The following CCSER2 variants were observed in gnomAD, a reference collection of about 807,000 sequenced individuals.
CCSER2 encodes coiled-coil serine rich protein 2, also known as serine-rich coiled-coil domain-containing protein 2.
Under a neutral mutation model 92.3 loss-of-function variants are expected in CCSER2, and 46 were observed. The ratio of observed to expected loss-of-function variants is 0.50; its 90% CI spans 0.39 to 0.64. CCSER2 has a LOEUF of 0.64. CCSER2 is among the 30% of genes least tolerant of loss of function. The pLI, the probability that CCSER2 is intolerant of heterozygous loss-of-function variation, is 0.00. For missense variants in CCSER2, 1,244 were observed against 1,238.9 expected, an observed-to-expected ratio of 1.00 and a Z score of -0.06; for synonymous variants, 433 against 431.4, an observed-to-expected ratio of 1.00 and a Z score of -0.04.
chr10:84,441,563 T>G (rs1463353294), intron 6 of CCSER2, among the ~76,000 whole-genome samples: 1 of 152,132 alleles, frequency 6.6e-6, no homozygotes, highest in East Asian at 1.9e-4. Context: ...TATTCAGGAC[T>G]TTGTACATGG....
chr10:84,495,399 G>A (rs1848395111), intron 9 of CCSER2, among the ~76,000 whole-genome samples: 1 of 152,118 alleles, frequency 6.6e-6, no homozygotes, highest in African/African-American at 2.4e-5. Flanking sequence ...CTTGGTAAAT[G>A]TTCTGTGGAT....
At chr10:84,484,477 A>G (rs1847683122) in intron 9 of CCSER2, among the ~76,000 whole-genome samples, 2 of 139,780 alleles carry the variant, frequency 1.4e-5, no homozygotes, top group South Asian at 4.5e-4. Context: ...CGTTGCATGC[A>G]TGTGTGCATG....
intron 3 of CCSER2, among the ~76,000 whole-genome samples, chr10:84,414,885 T>G (rs1401319567): frequency 6.6e-6 from 1 of 152,190 alleles, no homozygotes; most frequent in Admixed American, 6.5e-5. Context: ...CTTGTTTTAT[T>G]TCAGCAAGAT....
intron 4 of CCSER2, among the ~76,000 whole-genome samples, chr10:84,422,782 C>T (rs1843215032): frequency 6.6e-6 from 1 of 152,120 alleles, no homozygotes; most frequent in Non-Finnish European, 1.5e-5. Flanking sequence ...GGGTCAGGGG[C>T]GGTGGCTCAC....
intron 6 of CCSER2, chr10:84,456,104 G>T: frequency 2.6e-6 from 1 of 382,988 alleles, no homozygotes; most frequent in South Asian, 2.3e-5. Flanking sequence ...ACACAGGGGA[G>T]AGAACAGGAA....
At chr10:84,357,220 G>A (rs751868429) in intron 1 of CCSER2, among the ~76,000 whole-genome samples, 1 of 148,842 alleles carries the variant, frequency 6.7e-6, no homozygotes, top group Admixed American at 6.9e-5. Flanking sequence ...AGGGTGAGGG[G>A]TAGTGCATTT....
At chr10:84,454,941 T>C (rs1294820502) in intron 6 of CCSER2, 1 of 152,152 alleles carries the variant, frequency 6.6e-6, no homozygotes, top group Non-Finnish European at 1.5e-5. Flanking sequence ...TGGTGAGAGG[T>C]AATTGAATCA....
At position 84,349,243 on chromosome 10, in the gene CCSER2, G is replaced by A. The variant is rs563371110; in HGVS notation, c.-40+20435G>A. ...CATGCCTCCCACAAACCTTCCTGTC[G>A]CAGAAAATGACAGCACAATCCCATT... On this transcript the variant is annotated intron_variant, in intron 1 of 9. Transcript: ENST00000372088. 9.2e-5 allele frequency among the ~76,000 whole-genome samples: 14 copies of A among 152,178 alleles called. No individual in the cohort carries two copies. In the East Asian group the frequency reaches 9.7e-4, roughly 10 times the overall value.
intron 1 of CCSER2, among the ~76,000 whole-genome samples, chr10:84,361,118 T>A (rs1227054072): frequency 6.6e-6 from 1 of 152,228 alleles, no homozygotes; most frequent in Non-Finnish European, 1.5e-5. Flanking sequence ...TGCATGCCTG[T>A]GCCGTTAAGA....
rs1316665728 is a variant in CCSER2, at chr10:84,516,836, C to T, written c.*2569C>T. The T allele has an allele frequency of 6.6e-6, 1 of 151,988 alleles. No homozygotes were observed. The highest frequency in any genetic ancestry group is 1.9e-4 in the East Asian group (1 of 5,196). 9.4% of individuals were successfully genotyped at this position (151,988 alleles called of 1,614,324 possible). A position where few individuals can be genotyped will look rare whatever the true frequency, so the allele number is the denominator to read the frequency against. On this transcript the variant is annotated 3_prime_UTR_variant, in exon 10 of 10. Transcript: ENST00000372088. ...GAGTCTTAATCTTTTAGAAGATAGG[C>T]TTATCGTATATTTATGAAGCATAAT...
intron 3 of CCSER2, among the ~76,000 whole-genome samples, chr10:84,411,663 C>A (rs1461127644): frequency 2.0e-5 from 3 of 152,116 alleles, no homozygotes; most frequent in Non-Finnish European, 4.4e-5. Context: ...GATTTTGTAT[C>A]CTGAGACTTT....
chr10:84,509,382 A>T (rs2131873421), intron 9 of CCSER2, among the ~76,000 whole-genome samples: 1 of 152,338 alleles, frequency 6.6e-6, no homozygotes, highest in South Asian at 2.1e-4. Context: ...CTATAACGAA[A>T]AATGAATAAA....
At chr10:84,390,930 A>G (rs1327521460) in intron 3 of CCSER2, 1 of 753,722 alleles carries the variant, frequency 1.3e-6, no homozygotes, top group Non-Finnish European at 2.5e-6. Context: ...CTTGTACAGC[A>G]CCTGTTACTC....
intron 5 of CCSER2, among the ~76,000 whole-genome samples, chr10:84,435,638 CAAA>C (rs5786657): frequency 0.013 from 1,395 of 106,868 alleles, 14 homozygotes; most frequent in African/African-American, 0.033. Flanking sequence ...CCATTCAGTG[CAAA>C]AAAAAAAAAA....
chr10:84,375,911 C>A lies in CCSER2; in HGVS notation c.1614+2096C>A, dbSNP rs183397129. 8.0e-5 allele frequency among the ~76,000 whole-genome samples: 12 copies of A among 150,826 alleles called. No individual in the cohort carries two copies. In the East Asian group the frequency reaches 2.3e-3, roughly 29 times the overall value. The stretch of plus-strand genomic sequence containing the variant: ...TTCAAAGTAGTATCTCTTACTTAAC[C>A]CCTCAAGACCTTTAGCATATTCTCA... On this transcript the variant is annotated intron_variant, in intron 3 of 9. Transcript: ENST00000372088.
intron 3 of CCSER2, chr10:84,391,408 T>A: frequency 1.3e-6 from 2 of 1,514,732 alleles, no homozygotes; most frequent in Non-Finnish European, 1.8e-6. Context: ...GGATGCAGGA[T>A]AAAATGCTAG....
chr10:84,364,558 A>G (rs888395693), intron 1 of CCSER2, among the ~76,000 whole-genome samples: 7 of 152,216 alleles, frequency 4.6e-5, no homozygotes, highest in African/African-American at 1.2e-4. Flanking sequence ...GAAGAAATCT[A>G]CTACCTTATA....
At chr10:84,456,350 C>A (rs891554401) in intron 6 of CCSER2, among the ~76,000 whole-genome samples, 1 of 152,026 alleles carries the variant, frequency 6.6e-6, no homozygotes, top group African/African-American at 2.4e-5. Context: ...GCCTTTGAGT[C>A]TGGCTTTTTT....
Position 84,490,326 on chromosome 10 carries a change from G to T in CCSER2, c.2325+12662G>T, listed in dbSNP as rs528842161. Among the ~76,000 whole-genome samples, 27 of 152,302 alleles carry T rather than the reference G, an allele frequency of 1.8e-4. 1 individual carries two copies. In the South Asian group the frequency reaches 4.8e-3, roughly 27 times the overall value. ...GGGAAGTTCTCCTGGATAATATCTT[G>T]CAGGGTGTTTTCCAACTTGGTTCCA... On this transcript the variant is annotated intron_variant, in intron 9 of 9. Transcript: ENST00000372088.
Sources: gnomAD v4.1 joint callset for allele counts (sites outside exome capture counted in the v4.1 genomes callset) on GRCh38, gnomAD v4.1.1 for gene constraint, MANE v1.5 for transcripts, NCBI Gene and HGNC (gene_info 2026-07-23, HGNC 2026-07-21) for gene names.